Variants in ARHGEF4 observed in about 807,000 individuals in gnomAD.
ARHGEF4 encodes the protein APC-stimulated guanine nucleotide exchange factor 1.
A neutral mutation model predicts 162.0 loss-of-function variants in ARHGEF4; 119 were observed. The ratio of observed to expected loss-of-function variants is 0.73; its 90% CI spans 0.63 to 0.86. ARHGEF4 has a LOEUF of 0.86. Ranked by LOEUF, ARHGEF4 falls within the 40% of genes least tolerant of loss-of-function variation. The pLI is 0.00. For missense variants in ARHGEF4, 2,488 were observed against 2,456.0 expected (o/e 1.01, Z -0.28); for synonymous variants, 1,014 against 979.9 (o/e 1.03, Z -0.65).
At chr2:130,906,599 C>T (rs1680823653) in intron 1 of ARHGEF4, among the ~76,000 whole-genome samples, 1 of 152,180 alleles carries the variant, frequency 6.6e-6, no homozygotes, top group African/African-American at 2.4e-5. Flanking sequence ...AGAGACCAGC[C>T]TGGCCAACAT....
At chr2:130,946,714 T>G in intron 4 of ARHGEF4, 79 bp downstream of exon 4, 1 of 1,584,356 alleles carries the variant, frequency 6.3e-7, no homozygotes, top group Non-Finnish European at 8.6e-7. Context: ...TGTTGGCAGC[T>G]GTATCCACTT....
chr2:130,843,592 G>A (rs1367775044), intron 1 of ARHGEF4, among the ~76,000 whole-genome samples: 1 of 152,196 alleles, frequency 6.6e-6, no homozygotes, highest in Non-Finnish European at 1.5e-5. Flanking sequence ...TCCAAGGGGG[G>A]GCACGGTTCC....
chr2:130,923,240 C>A (rs1486506507), intron 2 of ARHGEF4, among the ~76,000 whole-genome samples: 2 of 152,166 alleles, frequency 1.3e-5, no homozygotes, highest in Admixed American at 1.3e-4. Flanking sequence ...ATAATGATAT[C>A]TTTTGATGAA....
chr2:130,877,614 C>A (rs1229178455), intron 1 of ARHGEF4, among the ~76,000 whole-genome samples: 1 of 152,048 alleles, frequency 6.6e-6, no homozygotes, highest in African/African-American at 2.4e-5. Flanking sequence ...GGCACCACTG[C>A]AATGCAGCCT....
intron 1 of ARHGEF4, among the ~76,000 whole-genome samples, chr2:130,855,022 C>T (rs1248444066): frequency 2.0e-5 from 3 of 151,260 alleles, no homozygotes; most frequent in East Asian, 1.9e-4. Context: ...AACAGGCGCC[C>T]GCGACCACGC....
intron 4 of ARHGEF4, among the ~76,000 whole-genome samples, chr2:130,970,173 T>G (rs1685264684): frequency 6.6e-6 from 1 of 152,146 alleles, no homozygotes; most frequent in Non-Finnish European, 1.5e-5. Context: ...CATTGCTGGG[T>G]TATATGGTAA....
chr2:130,940,687 C>T (rs1486522697), intron 3 of ARHGEF4, among the ~76,000 whole-genome samples: 22 of 148,852 alleles, frequency 1.5e-4, no homozygotes, highest in East Asian at 2.1e-4. Context: ...AAAAATTAGC[C>T]GGGCGTGGTG....
chr2:130,851,817 G>C (rs533779060), intron 1 of ARHGEF4, among the ~76,000 whole-genome samples: 20 of 152,200 alleles, frequency 1.3e-4, no homozygotes, highest in Admixed American at 6.5e-5. Flanking sequence ...CAGTCTCTCC[G>C]GGCTTGTGTA....
At position 130,915,437 on chromosome 2, in the gene ARHGEF4, C is replaced by G; in HGVS notation, c.1491C>G (p.Val497=). 6.4e-7 allele frequency: 1 copy of G among 1,550,550 alleles called. No individual in the cohort carries two copies. The highest frequency in any genetic ancestry group is 2.4e-5 in the East Asian group (1 of 40,916). Residue 497 remains valine, a synonymous_variant, in exon 2 of 14, where the codon GTC becomes GTG. Coordinates refer to ENST00000409359, the MANE Select transcript of ARHGEF4 (RefSeq NM_001367493.1). ...ETQKHLWGIS[V]QAGNQTSNYT... is the part of the protein sequence containing the mutation. Reference sequence around the variant, plus strand: ...AGAAGCACCTCTGGGGCATTTCTGTCCAGGCAGGAAACCAAACCAGTAATT... The same window carrying G: ...AGAAGCACCTCTGGGGCATTTCTGTGCAGGCAGGAAACCAAACCAGTAATT...
At chr2:130,939,420 GCTCT>G (rs1049521474) in intron 3 of ARHGEF4, among the ~76,000 whole-genome samples, 2 of 152,026 alleles carry the variant, frequency 1.3e-5, no homozygotes, top group African/African-American at 4.8e-5. Flanking sequence ...CTGTTTCTAG[GCTCT>G]CTGTTTGGTA....
intron 4 of ARHGEF4, among the ~76,000 whole-genome samples, chr2:130,993,422 C>T (rs1161320493): frequency 6.6e-6 from 1 of 152,082 alleles, no homozygotes; most frequent in East Asian, 1.9e-4. Context: ...TTTAGTGTTT[C>T]ATATGTACTT....
At chr2:131,001,312 A>AAC (rs1238180718) in intron 4 of ARHGEF4, among the ~76,000 whole-genome samples, 1 of 149,758 alleles carries the variant, frequency 6.7e-6, no homozygotes, top group Non-Finnish European at 1.5e-5. Flanking sequence ...CAAAAAAAAA[A>AAC]AAAAAAAAAA....
chr2:130,914,737 C>T lies in ARHGEF4; in HGVS notation c.791C>T (p.Pro264Leu), dbSNP rs1681384243. The change falls in exon 2 of 14, where the codon CCT (proline) becomes CTT (leucine). Residue 264 changes from proline to leucine, a missense_variant. Pro to Leu is a moderately conservative substitution (Grantham distance 98). This residue lies in a region of ARHGEF4 where 1,642 missense variants were observed against 1,481.5 expected (regional missense o/e 1.11). Transcript: ENST00000409359. ...AGAGGCCCACTGGACAACACAGCCC[C>T]TCTGGGGACCAGGACAAAGAAGGAA... ...PSRGPLDNTA[P>L]LGTRTKKEST... 2 of 1,422,874 alleles carry T rather than the reference C, an allele frequency of 1.4e-6. No homozygotes were observed. Among genetic ancestry groups the T allele is most frequent in the African/African-American group, 1.4e-5 (1 of 69,628 alleles). 88.1% of individuals were successfully genotyped at this position (1,422,874 alleles called of 1,614,324 possible).
At position 131,021,046 on chromosome 2, in the gene ARHGEF4, T is replaced by A. The variant is rs185869422; in HGVS notation, c.3986-6899T>A. Among the ~76,000 whole-genome samples the A allele has an allele frequency of 1.1e-3, 172 of 152,302 alleles. 2 individuals are homozygous for A. Among genetic ancestry groups the A allele is most frequent in the African/African-American group, 3.7e-3 (153 of 41,558 alleles). On this transcript the variant is annotated intron_variant, in intron 4 of 13. Transcript: ENST00000409359. Reference sequence around the variant, plus strand: ...CTTTTTGATGGGGTTGTTTTTTTTCTTGTAAATTTGTTTGAGTTCATTGTA... The same window carrying A: ...CTTTTTGATGGGGTTGTTTTTTTTCATGTAAATTTGTTTGAGTTCATTGTA...
At chr2:130,991,791 G>A (rs1468118854) in intron 4 of ARHGEF4, among the ~76,000 whole-genome samples, 2 of 152,226 alleles carry the variant, frequency 1.3e-5, no homozygotes, top group East Asian at 1.9e-4. Flanking sequence ...GCTCCACAGC[G>A]CCCAGTCCCA....
At chr2:130,996,317 C>T (rs1011055392) in intron 4 of ARHGEF4, among the ~76,000 whole-genome samples, 3 of 152,194 alleles carry the variant, frequency 2.0e-5, no homozygotes, top group African/African-American at 7.2e-5. Flanking sequence ...GGCTGTTCTT[C>T]GCATTTTAGT....
At chr2:130,987,457 A>G (rs529363032) in intron 4 of ARHGEF4, among the ~76,000 whole-genome samples, 1 of 152,358 alleles carries the variant, frequency 6.6e-6, no homozygotes, top group African/African-American at 2.4e-5. Context: ...AGCATGGAAC[A>G]GGACCCAAGG....
intron 1 of ARHGEF4, among the ~76,000 whole-genome samples, chr2:130,885,075 A>G (rs563229965): frequency 1.3e-5 from 2 of 152,126 alleles, no homozygotes; most frequent in Non-Finnish European, 2.9e-5. Flanking sequence ...TCTCCCTGGT[A>G]TACATCACTT....
At chr2:131,034,901 A>C (rs1690126186) in intron 5 of ARHGEF4, 1 of 873,804 alleles carries the variant, frequency 1.1e-6, no homozygotes, top group Non-Finnish European at 1.4e-6. Flanking sequence ...CCCCGCCCGC[A>C]CAGCCGGCTT....
Sources: allele counts gnomAD v4.1 joint callset (sites outside exome capture counted in the v4.1 genomes callset), GRCh38; gene constraint gnomAD v4.1.1; regional missense constraint gnomAD v4.1.1; transcripts MANE v1.5; gene names NCBI Gene and HGNC (gene_info 2026-07-23, HGNC 2026-07-21).